The following ITPRID1 variants were observed in gnomAD, a reference collection of about 807,000 sequenced individuals.
ITPRID1 encodes protein ITPRID1.
Under a neutral mutation model 95.4 loss-of-function variants are expected in ITPRID1, and 96 were observed. The ratio of observed to expected loss-of-function variants is 1.01; its 90% CI spans 0.85 to 1.19. The LOEUF (loss-of-function observed/expected upper bound fraction) is 1.19, where lower values mean the gene tolerates loss of function less well. Ranked by LOEUF, ITPRID1 falls within the 50% of genes most tolerant of loss-of-function variation. The pLI is 0.00. For synonymous variants in ITPRID1, 510 were observed against 453.6 expected (o/e 1.12, Z -1.58); for missense variants, 1,339 against 1,252.9 (o/e 1.07, Z -1.04).
rs1393000027 is a variant in ITPRID1 at position 31,594,165 on chromosome 7, A to C, written c.1228+10974A>C. ...TGCCTACAGTATTCAGTACAATAGC[A>C]TACTGTACAGGTTTGCAGCCTGGGA... On this transcript the variant is annotated intron_variant, in intron 10 of 14. Coordinates refer to ENST00000615280, the MANE Select transcript of ITPRID1 (RefSeq NM_001257967.3). 3.9e-5 allele frequency among the ~76,000 whole-genome samples: 6 copies of C among 152,324 alleles called. No individual in the cohort carries two copies. In the East Asian group the frequency reaches 1.2e-3, roughly 29 times the overall value.
chr7:31,559,377 A>C (rs1299785988), intron 5 of ITPRID1, among the ~76,000 whole-genome samples: 2 of 152,100 alleles, frequency 1.3e-5, no homozygotes, highest in East Asian at 3.9e-4. Context: ...CTCATATTCC[A>C]TGGCCAGACA....
At chr7:31,526,853 T>A (rs971393398) in intron 1 of ITPRID1, among the ~76,000 whole-genome samples, 1 of 152,164 alleles carries the variant, frequency 6.6e-6, no homozygotes, top group East Asian at 1.9e-4. Context: ...TTTTCAGTCT[T>A]GTTGCTTCCA....
intron 7 of ITPRID1, among the ~76,000 whole-genome samples, chr7:31,573,298 A>G (rs1027238382): frequency 7.2e-5 from 11 of 152,184 alleles, no homozygotes; most frequent in Non-Finnish European, 2.9e-5. Context: ...TACAACATAT[A>G]CATAGAACAA....
chr7:31,529,844 T>C (rs771841840), intron 1 of ITPRID1: 30 of 1,531,296 alleles, frequency 2.0e-5, no homozygotes, highest in Non-Finnish European at 2.4e-5. Flanking sequence ...TCTTATAATT[T>C]GTTTTTTTTC....
intron 3 of ITPRID1, chr7:31,554,267 T>C: frequency 1.3e-6 from 1 of 799,864 alleles, no homozygotes; most frequent in East Asian, 3.2e-5. Context: ...TTACAGTCTT[T>C]TGACAAGTTT....
At chr7:31,580,222 C>T (rs533922827) in intron 9 of ITPRID1, among the ~76,000 whole-genome samples, 147 of 147,328 alleles carry the variant, frequency 1.0e-3, no homozygotes, top group African/African-American at 3.4e-3. Context: ...CACTTGAACC[C>T]GGGAGGTGGA....
At chr7:31,556,508 G>A (rs1336739630) in intron 5 of ITPRID1, among the ~76,000 whole-genome samples, 1 of 152,028 alleles carries the variant, frequency 6.6e-6, no homozygotes, top group Non-Finnish European at 1.5e-5. Context: ...TGGAGGCCTG[G>A]CCTTCTATTA....
rs369111246 is a variant in ITPRID1, at chr7:31,528,391, T to G, written c.-98+14271T>G. Among the ~76,000 whole-genome samples, 28 of 152,322 alleles carry G rather than the reference T, an allele frequency of 1.8e-4. No individual in the cohort carries two copies. In the South Asian group the frequency reaches 5.6e-3, roughly 30 times the overall value. ...ACAGTTCTGGCCATGGCATTTCGGTTAAAGTATGCTTTGTCATTAGCCTTT... is the reference window on the plus strand; with the variant it reads ...ACAGTTCTGGCCATGGCATTTCGGTGAAAGTATGCTTTGTCATTAGCCTTT... On this transcript the variant is annotated intron_variant, in intron 1 of 14. Transcript: ENST00000615280.
intron 1 of ITPRID1, among the ~76,000 whole-genome samples, chr7:31,518,913 C>G (rs1483327899): frequency 6.6e-6 from 1 of 152,126 alleles, no homozygotes; most frequent in African/African-American, 2.4e-5. Flanking sequence ...CCAGAAGATG[C>G]AAAAGAAGTT....
chr7:31,644,072 A>G, intron 12 of ITPRID1, 119 bp downstream of exon 12: 2 of 862,588 alleles, frequency 2.3e-6, no homozygotes, highest in Non-Finnish European at 3.5e-6. Context: ...TCTATTTTAA[A>G]TCATGAATAA....
chr7:31,609,642 T>G (rs1313091201), intron 10 of ITPRID1, among the ~76,000 whole-genome samples: 1 of 151,620 alleles, frequency 6.6e-6, no homozygotes, highest in Non-Finnish European at 1.5e-5. Flanking sequence ...TTACATCCTC[T>G]CTTTCATTCA....
At chr7:31,580,684 A>C (rs949671425) in intron 9 of ITPRID1, among the ~76,000 whole-genome samples, 2 of 150,526 alleles carry the variant, frequency 1.3e-5, no homozygotes, top group African/African-American at 2.5e-5. Context: ...ACAAAATCAC[A>C]TGTTTCTTCG....
intron 10 of ITPRID1, among the ~76,000 whole-genome samples, chr7:31,640,647 T>G (rs1231394969): frequency 2.6e-5 from 4 of 152,150 alleles, no homozygotes; most frequent in African/African-American, 9.7e-5. Context: ...AAAAACTTTT[T>G]TTTTTTTTTC....
intron 1 of ITPRID1, among the ~76,000 whole-genome samples, chr7:31,535,590 C>T (rs1052867638): frequency 1.3e-5 from 2 of 151,970 alleles, no homozygotes. Flanking sequence ...AGTTTTCTAA[C>T]TCATATAATT....
At chr7:31,641,326 A>G (rs986987807) in intron 10 of ITPRID1, among the ~76,000 whole-genome samples, 5 of 152,056 alleles carry the variant, frequency 3.3e-5, no homozygotes, top group African/African-American at 4.8e-5. Flanking sequence ...TTCACTTCCC[A>G]CACACATACC....
intron 1 of ITPRID1, among the ~76,000 whole-genome samples, chr7:31,535,663 A>G (rs1028491738): frequency 8.6e-5 from 13 of 151,992 alleles, no homozygotes; most frequent in African/African-American, 2.7e-4. Flanking sequence ...CTGAAGATGG[A>G]TTCTTTTAGC....
At chr7:31,589,008 A>G (rs925976561) in intron 10 of ITPRID1, among the ~76,000 whole-genome samples, 1 of 152,168 alleles carries the variant, frequency 6.6e-6, no homozygotes, top group African/African-American at 2.4e-5. Flanking sequence ...CAATTAATGA[A>G]GACAAACCAT....
At chr7:31,533,324 G>C (rs908688489) in intron 1 of ITPRID1, among the ~76,000 whole-genome samples, 2 of 151,872 alleles carry the variant, frequency 1.3e-5, no homozygotes, top group Admixed American at 1.3e-4. Context: ...TGTTTACATT[G>C]TTAACACCCA....
intron 12 of ITPRID1, among the ~76,000 whole-genome samples, chr7:31,644,735 AG>A (rs1380986117): frequency 6.6e-6 from 1 of 152,206 alleles, no homozygotes; most frequent in Non-Finnish European, 1.5e-5. Flanking sequence ...GAAATGATCT[AG>A]GCTTTCAGGG....
Sources: allele counts gnomAD v4.1 joint callset (sites outside exome capture counted in the v4.1 genomes callset), GRCh38; gene constraint gnomAD v4.1.1; transcripts MANE v1.5; gene names NCBI Gene and HGNC (gene_info 2026-07-23, HGNC 2026-07-21).